The following DLG2 variants were observed in gnomAD, a reference collection of about 807,000 sequenced individuals.
DLG2 encodes the protein disks large homolog 2.
DLG2 carries 45 observed loss-of-function variants against 132.5 expected under a neutral mutation model. The ratio of observed to expected loss-of-function variants is 0.34; its 90% CI spans 0.27 to 0.44. The LOEUF is 0.44. Ranked by LOEUF, DLG2 falls within the 20% of genes least tolerant of loss-of-function variation. The pLI is 1.00. For synonymous variants in DLG2, 424 were observed against 419.6 expected, an observed-to-expected ratio of 1.01 and a Z score of -0.13; for missense variants, 1,045 against 1,196.9, an observed-to-expected ratio of 0.87 and a Z score of 1.87.
intron 6 of DLG2, among the ~76,000 whole-genome samples, chr11:85,082,487 C>T (rs796681040): frequency 6.6e-5 from 10 of 152,118 alleles, no homozygotes; most frequent in African/African-American, 2.4e-4. Flanking sequence ...TGAGAAGAAT[C>T]TCCCCATGAC....
chr11:84,409,601 A>T (rs965105642), intron 7 of DLG2, among the ~76,000 whole-genome samples: 2 of 152,232 alleles, frequency 1.3e-5, no homozygotes, highest in Non-Finnish European at 2.9e-5. Flanking sequence ...AGATAAAGAC[A>T]ATAAGCTTTA....
intron 18 of DLG2, among the ~76,000 whole-genome samples, chr11:83,709,033 C>T (rs1273377037): frequency 2.6e-5 from 4 of 152,154 alleles, no homozygotes; most frequent in Non-Finnish European, 5.9e-5. Flanking sequence ...AAGCAGAGTC[C>T]ACTGTATGTG....
chr11:85,188,394 C>G (rs938046392), intron 4 of DLG2, among the ~76,000 whole-genome samples: 7 of 152,140 alleles, frequency 4.6e-5, no homozygotes, highest in Admixed American at 3.9e-4. Flanking sequence ...TAACAACCAT[C>G]AGAGTGGGAG....
intron 6 of DLG2, among the ~76,000 whole-genome samples, chr11:84,737,760 A>C (rs2064048350): frequency 6.6e-6 from 1 of 152,036 alleles, no homozygotes. Flanking sequence ...AACAAAGATA[A>C]ATAGTTCAAC....
chr11:83,654,507 A>AT (rs2071699255), intron 18 of DLG2, among the ~76,000 whole-genome samples: 1 of 151,908 alleles, frequency 6.6e-6, no homozygotes, highest in African/African-American at 2.4e-5. Context: ...AACAATTACC[A>AT]TTTTCTCTTC....
chr11:84,398,288 A>G (rs1386470929), intron 7 of DLG2, among the ~76,000 whole-genome samples: 2 of 152,224 alleles, frequency 1.3e-5, no homozygotes, highest in East Asian at 3.9e-4. Flanking sequence ...GGACAGCATC[A>G]GAGGTAGTGC....
chr11:85,011,345 C>G (rs2059132461), intron 6 of DLG2, among the ~76,000 whole-genome samples: 1 of 152,140 alleles, frequency 6.6e-6, no homozygotes, highest in Admixed American at 6.5e-5. Flanking sequence ...CCATGGAAAG[C>G]TAGTTGATAA....
chr11:85,030,422 ACT>A (rs1177031185), intron 6 of DLG2, among the ~76,000 whole-genome samples: 2 of 152,156 alleles, frequency 1.3e-5, no homozygotes, highest in African/African-American at 4.8e-5. Flanking sequence ...TAAATTTTCT[ACT>A]GTTTTATTAA....
chr11:84,920,853 T>C (rs1158755014), intron 6 of DLG2, among the ~76,000 whole-genome samples: 1 of 152,236 alleles, frequency 6.6e-6, no homozygotes, highest in Admixed American at 6.5e-5. Context: ...AAAAGTTTAT[T>C]CTAGAATAAA....
chr11:84,601,788 A>G (rs895597250), intron 6 of DLG2, among the ~76,000 whole-genome samples: 1 of 152,092 alleles, frequency 6.6e-6, no homozygotes, highest in Admixed American at 6.5e-5. Flanking sequence ...TTGAATAATC[A>G]TGACTATAGA....
chr11:84,946,518 A>T (rs781698516), intron 6 of DLG2, among the ~76,000 whole-genome samples: 6 of 152,060 alleles, frequency 3.9e-5, no homozygotes, highest in Admixed American at 6.5e-5. Context: ...CAGGAGCTAG[A>T]TCCTGAAATA....
chr11:84,059,381 A>G lies in DLG2; in HGVS notation c.853T>C (p.Tyr285His), dbSNP rs777477574. ...AAAATAGGTCGTCTTCTACGCACAT[A>G]CAGCCGAACGATAGACCCTGCTTCC... The part of the protein sequence containing the change: ...LKEAGSIVRL[Y>H]VRRRRPILET... Residue 285 changes from tyrosine (Y) to histidine (H), a missense_variant, in exon 11 of 28, where the codon TAT (tyrosine) becomes CAT (histidine). Transcript: ENST00000376104. 2 of 1,613,532 alleles carry G rather than the reference A, an allele frequency of 1.2e-6. No individual in the cohort carries two copies. Among genetic ancestry groups the G allele is most frequent in the African/African-American group, 2.7e-5 (2 of 74,868 alleles).
At position 84,333,805 on chromosome 11, in the gene DLG2, T is replaced by C. The variant is rs144881063; in HGVS notation, c.520-82514A>G. 2.8e-3 allele frequency among the ~76,000 whole-genome samples: 432 copies of C among 152,328 alleles called. 1 individual carries two copies. The highest frequency in any genetic ancestry group is 0.014 in the Middle Eastern group (4 of 294). ...TAGTATCACTCATACTGGGAATTAA[T>C]TTATTCTAAGGATATAAGGTCTTAG... On this transcript the variant is annotated intron_variant, in intron 7 of 27. Coordinates refer to ENST00000376104, the MANE Select transcript of DLG2 (RefSeq NM_001142699.3).
At chr11:83,722,887 G>C (rs1456762423) in intron 18 of DLG2, among the ~76,000 whole-genome samples, 1 of 152,180 alleles carries the variant, frequency 6.6e-6, no homozygotes, top group African/African-American at 2.4e-5. Flanking sequence ...CTGGCTTTAT[G>C]AGCTGGCAAT....
In DLG2 at chr11:84,502,202, C is replaced by CTCTCTCT. The variant is rs56962951; in HGVS notation, c.519+32367_519+32368insAGAGAGA. ...TCTCTCTCTTTCTCTCTCTCTCTCT[C>CTCTCTCT]CTTCCTTCCTTCCTTCCTTCCTTCC... On this transcript the variant is annotated intron_variant, in intron 7 of 27. Coordinates refer to ENST00000376104, the MANE Select transcript of DLG2 (RefSeq NM_001142699.3). 2.8e-4 allele frequency among the ~76,000 whole-genome samples: 7 copies of CTCTCTCT among 24,946 alleles called. 2 individuals are homozygous for CTCTCTCT. The highest frequency in any genetic ancestry group is 9.7e-4 in the East Asian group (1 of 1,028). 16.4% of individuals were successfully genotyped at this position (24,946 alleles called of 152,430 possible). A position where few individuals can be genotyped will look rare whatever the true frequency, so the allele number is the denominator to read the frequency against.
intron 3 of DLG2, among the ~76,000 whole-genome samples, chr11:85,519,265 GA>G (rs1276898786): frequency 9.9e-5 from 15 of 152,178 alleles, no homozygotes; most frequent in Admixed American, 6.5e-5. Context: ...GCCAGCCTGT[GA>G]AATTAGCCAG....
At chr11:84,158,933 T>C (rs1185578769) in intron 9 of DLG2, among the ~76,000 whole-genome samples, 1 of 152,218 alleles carries the variant, frequency 6.6e-6, no homozygotes, top group Non-Finnish European at 1.5e-5. Flanking sequence ...CGTTAACTCA[T>C]GTATTCATCA....
Position 84,145,716 on chromosome 11 carries a change from AT to A in DLG2, c.624+17744del, listed in dbSNP as rs372340119. On this transcript the variant is annotated intron_variant, in intron 9 of 27. Coordinates refer to ENST00000376104, the MANE Select transcript of DLG2 (RefSeq NM_001142699.3). ...AACTGGAAGACAGCACTTGTTAATA[AT>A]CAGGTGGCAGAGGGTTTGTGAGGCG... is the stretch of plus-strand genomic sequence containing the variant. Among the ~76,000 whole-genome samples, 648 of 152,280 alleles carry A rather than the reference AT, an allele frequency of 4.3e-3. 4 individuals carry two copies. The highest frequency in any genetic ancestry group is 0.015 in the African/African-American group (620 of 41,568).
intron 6 of DLG2, among the ~76,000 whole-genome samples, chr11:85,101,025 T>C (rs917588930): frequency 6.6e-6 from 1 of 152,184 alleles, no homozygotes. Flanking sequence ...TTTTTATGTG[T>C]TGACTCATGA....
Sources: allele counts gnomAD v4.1 joint callset (sites outside exome capture counted in the v4.1 genomes callset), GRCh38; gene constraint gnomAD v4.1.1; transcripts MANE v1.5; gene names NCBI Gene and HGNC (gene_info 2026-07-23, HGNC 2026-07-21).